ATXN1: variants seen among roughly 807,000 people sequenced by gnomAD.
ATXN1 encodes ataxin 1.
ATXN1 carries 8 observed loss-of-function variants against 56.4 expected under a neutral mutation model. The observed-to-expected ratio is 0.14, with a 90% CI of 0.08 to 0.26. The LOEUF (loss-of-function observed/expected upper bound fraction) is 0.26, where lower values mean the gene tolerates loss of function less well. ATXN1 is among the 10% of genes least tolerant of loss of function. The pLI is 1.00. For missense variants in ATXN1, 987 were observed against 1,106.5 expected, an observed-to-expected ratio of 0.89 and a Z score of 1.53; for synonymous variants, 514 against 494.6, an observed-to-expected ratio of 1.04 and a Z score of -0.52.
At chr6:16,415,872 A>G (rs1758894502) in intron 6 of ATXN1, among the ~76,000 whole-genome samples, 1 of 152,212 alleles carries the variant, frequency 6.6e-6, no homozygotes, top group Admixed American at 6.5e-5. Context: ...TGGGGCTCTG[A>G]GAGCTCCCTC....
intron 2 of ATXN1, among the ~76,000 whole-genome samples, chr6:16,661,732 C>G (rs576677667): frequency 1.3e-5 from 2 of 152,290 alleles, no homozygotes; most frequent in African/African-American, 4.8e-5. Flanking sequence ...CTGGGGGAGG[C>G]TGACTGCCAG....
At chr6:16,449,451 TA>T (rs1759708107) in intron 6 of ATXN1, among the ~76,000 whole-genome samples, 2 of 152,234 alleles carry the variant, frequency 1.3e-5, no homozygotes, top group Admixed American at 1.3e-4. Context: ...TTCTTCCTTC[TA>T]AAATTGAAAG....
chr6:16,367,129 CCT>C (rs766201684), intron 6 of ATXN1, among the ~76,000 whole-genome samples: 1 of 152,084 alleles, frequency 6.6e-6, no homozygotes, highest in Non-Finnish European at 1.5e-5. Flanking sequence ...TTATTAGCAG[CCT>C]CTGTGAACCC....
intron 2 of ATXN1, among the ~76,000 whole-genome samples, chr6:16,700,830 G>C (rs925141269): frequency 1.1e-4 from 16 of 152,068 alleles, no homozygotes; most frequent in African/African-American, 3.4e-4. Flanking sequence ...TTGCTTCTGT[G>C]AGTTTTCACC....
At chr6:16,753,577 C>G (rs999616225) in intron 1 of ATXN1, among the ~76,000 whole-genome samples, 3 of 152,140 alleles carry the variant, frequency 2.0e-5, no homozygotes, top group African/African-American at 7.2e-5. Context: ...AAAGGTCATC[C>G]CTTCCATCAA....
At chr6:16,676,276 T>C (rs1001921438) in intron 2 of ATXN1, among the ~76,000 whole-genome samples, 1 of 152,216 alleles carries the variant, frequency 6.6e-6, no homozygotes, top group Non-Finnish European at 1.5e-5. Flanking sequence ...TTACATGGAC[T>C]GAGACTCAGG....
At chr6:16,721,179 T>G (rs142160943) in intron 2 of ATXN1, among the ~76,000 whole-genome samples, 1 of 152,360 alleles carries the variant, frequency 6.6e-6, no homozygotes, top group Non-Finnish European at 1.5e-5. Flanking sequence ...ATGTTCCTCA[T>G]TTGTCTCATG....
At chr6:16,629,991 A>AT (rs898768755) in intron 3 of ATXN1, among the ~76,000 whole-genome samples, 56 of 152,044 alleles carry the variant, frequency 3.7e-4, no homozygotes, top group Non-Finnish European at 6.0e-4. Flanking sequence ...GGAAAGGGCA[A>AT]TTTTTTTTAA....
At chr6:16,750,220 C>G (rs978043338) in intron 2 of ATXN1, 6 of 152,272 alleles carry the variant, frequency 3.9e-5, no homozygotes, top group African/African-American at 1.4e-4. Context: ...CCTGCCTGAC[C>G]AGGAAGAAAA....
intron 6 of ATXN1, among the ~76,000 whole-genome samples, chr6:16,445,142 TACAAC>T (rs902514933): frequency 6.6e-5 from 10 of 152,336 alleles, no homozygotes; most frequent in Admixed American, 6.5e-4. Flanking sequence ...TAAAAAATCC[TACAAC>T]ATAAAATAAA....
chr6:16,520,653 T>G (rs949077471), intron 5 of ATXN1, among the ~76,000 whole-genome samples: 1 of 152,156 alleles, frequency 6.6e-6, no homozygotes, highest in Non-Finnish European at 1.5e-5. Flanking sequence ...ACCTTTACAG[T>G]CCCCAGAGAG....
chr6:16,414,804 T>C (rs1379380964), intron 6 of ATXN1, among the ~76,000 whole-genome samples: 3 of 152,236 alleles, frequency 2.0e-5, no homozygotes, highest in Admixed American at 2.0e-4. Flanking sequence ...TTTGTCCTTC[T>C]TTCTACTCAA....
In ATXN1 at chr6:16,710,325, G is replaced by A. The variant is rs10807596; in HGVS notation, c.-615+42908C>T. ...TTAAAAAGGCAGAGAAAGATATACC[G>A]TGTTTTTGAATTGAAGTTTCAATAT... On this transcript the variant is annotated intron_variant, in intron 2 of 7. Coordinates refer to ENST00000436367, the MANE Select transcript of ATXN1 (RefSeq NM_001128164.2). Among the ~76,000 whole-genome samples, 618 of 152,236 alleles carry A rather than the reference G, an allele frequency of 4.1e-3. 3 individuals carry two copies. The highest frequency in any genetic ancestry group is 0.01 in the Admixed American group (154 of 15,290).
chr6:16,684,652 G>A (rs897985741), intron 2 of ATXN1, among the ~76,000 whole-genome samples: 4 of 152,182 alleles, frequency 2.6e-5, no homozygotes, highest in Non-Finnish European at 4.4e-5. Context: ...AGTTCCCAGC[G>A]TGCTCAACCA....
intron 6 of ATXN1, among the ~76,000 whole-genome samples, chr6:16,461,196 C>T (rs1023620194): frequency 6.6e-6 from 1 of 152,242 alleles, no homozygotes; most frequent in Non-Finnish European, 1.5e-5. Context: ...GAACAACCCC[C>T]TCCAAGAGAT....
rs181252353 is a variant in ATXN1 at position 16,299,708 on chromosome 6, G to A, written c.*6621C>T. On this transcript the variant is annotated 3_prime_UTR_variant, in exon 8 of 8. Coordinates refer to ENST00000436367, the MANE Select transcript of ATXN1 (RefSeq NM_001128164.2). Reference sequence around the variant, plus strand: ...CTCTGGAGCCAGGACTCCACTGGCTGGAAATGAAGACTGTCTAATCTGAAG... The same window carrying A: ...CTCTGGAGCCAGGACTCCACTGGCTAGAAATGAAGACTGTCTAATCTGAAG... 1 of 152,716 alleles carries A rather than the reference G, an allele frequency of 6.5e-6. No homozygotes were observed. The highest frequency in any genetic ancestry group is 6.5e-5 in the Admixed American group (1 of 15,300). The allele number at this position is 152,716 out of a possible 1,614,324, so 9.5% of individuals were successfully genotyped here. A position where few individuals can be genotyped will look rare whatever the true frequency, so the allele number is the denominator to read the frequency against.
intron 5 of ATXN1, among the ~76,000 whole-genome samples, chr6:16,504,014 T>C (rs1028882051): frequency 6.6e-6 from 1 of 152,190 alleles, no homozygotes; most frequent in African/African-American, 2.4e-5. Context: ...AATTGAATGA[T>C]CTAGGGTGTG....
intron 6 of ATXN1, among the ~76,000 whole-genome samples, chr6:16,458,450 G>A (rs539703515): frequency 6.6e-6 from 1 of 152,252 alleles, no homozygotes; most frequent in Admixed American, 6.5e-5. Context: ...CCTAAAAGAT[G>A]TTTATTACCC....
intron 3 of ATXN1, among the ~76,000 whole-genome samples, chr6:16,649,521 A>G (rs942600921): frequency 1.3e-5 from 2 of 152,236 alleles, no homozygotes; most frequent in Non-Finnish European, 2.9e-5. Context: ...AACTTCATAA[A>G]TATGGCTTAC....
Sources: gnomAD v4.1 joint callset for allele counts (sites outside exome capture counted in the v4.1 genomes callset) on GRCh38, gnomAD v4.1.1 for gene constraint, MANE v1.5 for transcripts, NCBI Gene and HGNC (gene_info 2026-07-23, HGNC 2026-07-21) for gene names.